Variants in IL13RA2 observed in about 807,000 individuals in gnomAD.
The protein encoded by IL13RA2 is interleukin 13 receptor subunit alpha 2, also known as interleukin-13 receptor subunit alpha-2.
IL13RA2 carries 25 observed loss-of-function variants against 34.1 expected under a neutral mutation model. The observed-to-expected ratio is 0.73, with a 90% CI of 0.53 to 1.03. The LOEUF is 1.03. Among genes scored for constraint, IL13RA2 ranks in the 50% least tolerant of loss-of-function variants. The pLI, the probability that IL13RA2 is intolerant of heterozygous loss-of-function variation, is 0.00. For missense variants in IL13RA2, 297 were observed against 280.9 expected (o/e 1.06, Z -0.41); for synonymous variants, 106 against 100.4 (o/e 1.06, Z -0.33).
intron 5 of IL13RA2, 54 bp downstream of exon 5, chrX:115,013,715 A>G: frequency 1.5e-6 from 1 of 663,560 alleles, no homozygotes; most frequent in Admixed American, 2.8e-5. Flanking sequence ...CATACTATCG[A>G]CTAACTTGAG....
intron 2 of IL13RA2, 116 bp from the exon 3 acceptor site, chrX:115,015,937 C>T: frequency 2.1e-6 from 1 of 484,758 alleles, no homozygotes; most frequent in Non-Finnish European, 3.5e-6. Context: ...AAATGTGCTA[C>T]ATGCATACAA....
intron 8 of IL13RA2, 105 bp from the exon 9 acceptor site, chrX:115,005,420 C>A (rs1282426403): frequency 1.9e-6 from 1 of 531,878 alleles, no homozygotes; most frequent in African/African-American, 2.4e-5. Context: ...AGCTTGGAAA[C>A]CCCTGTCATA....
At chrX:115,016,521 G>A (rs1242635818) in intron 2 of IL13RA2, among the ~76,000 whole-genome samples, 1 of 106,593 alleles carries the variant, frequency 9.4e-6, no homozygotes, top group Non-Finnish European at 1.9e-5. Flanking sequence ...GTCTAAGATG[G>A]GAACATTTTA....
At chrX:115,010,176 G>A in intron 6 of IL13RA2, among the ~76,000 whole-genome samples, 1 of 111,264 alleles carries the variant, frequency 9.0e-6, no homozygotes, top group South Asian at 3.8e-4. Flanking sequence ...CACACGACTA[G>A]AAAAATGGTA....
chrX:115,005,099 A>G, intron 9 of IL13RA2, 98 bp downstream of exon 9: 1 of 525,241 alleles, frequency 1.9e-6, no homozygotes, highest in Non-Finnish European at 3.4e-6. Flanking sequence ...CACAGCGAAC[A>G]AGCAAAATTA....
At chrX:115,007,798 T>C in intron 8 of IL13RA2, 134 bp downstream of exon 8, 1 of 432,153 alleles carries the variant, frequency 2.3e-6, no homozygotes, top group Middle Eastern at 6.6e-4. Flanking sequence ...ATTGAAGTGC[T>C]CCCTAACTTA....
chrX:115,009,415 C>T (rs2071697433), intron 7 of IL13RA2, 106 bp downstream of exon 7: 1 of 586,466 alleles, frequency 1.7e-6, no homozygotes, highest in Non-Finnish European at 2.8e-6. Flanking sequence ...AGATATATGT[C>T]ATGTTCTGTC....
intron 9 of IL13RA2, 64 bp from the exon 10 acceptor site, chrX:115,004,170 A>G: frequency 6.6e-6 from 4 of 606,310 alleles, no homozygotes; most frequent in Non-Finnish European, 1.1e-5. Flanking sequence ...CTGAAGATTA[A>G]CAACTCAGAG....
intron 2 of IL13RA2, among the ~76,000 whole-genome samples, chrX:115,016,157 C>CA (rs17096093): frequency 0.056 from 6,215 of 111,134 alleles, 433 homozygotes; most frequent in African/African-American, 0.19. Flanking sequence ...AGAAACAATG[C>CA]AGGGTGACTG....
Position 115,008,090 on chromosome X carries a change from A to G in IL13RA2, c.853-14T>C. On this transcript the variant is annotated splice_polypyrimidine_tract_variant and intron_variant, in intron 7 of 9. Transcript: ENST00000243213. ...AACTGTAGCAGTCTGAAAGCCAAGG[A>G]CAAAATCAGATGCCATTATTTGATC... The G allele has an allele frequency of 9.1e-7, 1 of 1,098,114 alleles. No individual in the cohort carries two copies. Among genetic ancestry groups the G allele is most frequent in the Non-Finnish European group, 1.3e-6 (1 of 795,827 alleles). The allele number at this position is 1,098,114 out of a possible 1,213,427, so 90.5% of individuals were successfully genotyped here.
intron 4 of IL13RA2, 134 bp downstream of exon 4, chrX:115,014,287 A>T (rs1032162767): frequency 2.0e-6 from 1 of 503,028 alleles, no homozygotes; most frequent in Non-Finnish European, 3.3e-6. Flanking sequence ...CACCAACTAC[A>T]AGAAAGATTC....
intron 5 of IL13RA2, among the ~76,000 whole-genome samples, chrX:115,013,432 A>G (rs2071714242): frequency 8.9e-6 from 1 of 111,808 alleles, no homozygotes; most frequent in Admixed American, 9.5e-5. Context: ...AAAAAAATTC[A>G]GTTTAATAGA....
Position 115,009,386 on chromosome X carries a change from C to T in IL13RA2, c.852+135G>A, listed in dbSNP as rs148822814. ...TACTTTTGTCCATTAGCTTATTTGG[C>T]TTTCTGGAAATTGAACTAAGATATA... On this transcript the variant is annotated intron_variant, in intron 7 of 9. Transcript: ENST00000243213. 3.4e-3 allele frequency: 1,574 copies of T among 461,150 alleles called. 24 individuals are homozygous for T. The East Asian group carries it at 0.043, about 13-fold the overall frequency. The allele number at this position is 461,150 out of a possible 1,213,427, so 38.0% of individuals were successfully genotyped here.
intron 7 of IL13RA2, among the ~76,000 whole-genome samples, chrX:115,009,285 T>C (rs949489687): frequency 9.0e-6 from 1 of 111,015 alleles, no homozygotes; most frequent in Non-Finnish European, 1.9e-5. Context: ...CTTTAATTTA[T>C]TGACACAAAA....
intron 9 of IL13RA2, among the ~76,000 whole-genome samples, chrX:115,004,879 C>T (rs2071678695): frequency 8.9e-6 from 1 of 112,350 alleles, no homozygotes; most frequent in Non-Finnish European, 1.9e-5. Context: ...CATTTTAATT[C>T]ACTCTTCTAT....
At chrX:115,004,926 G>A (rs1049421297) in intron 9 of IL13RA2, among the ~76,000 whole-genome samples, 1 of 111,844 alleles carries the variant, frequency 8.9e-6, no homozygotes, top group Admixed American at 9.5e-5. Flanking sequence ...AACTCTTTCC[G>A]TATACCATTC....
At chrX:115,013,381 G>A (rs782127316) in intron 5 of IL13RA2, among the ~76,000 whole-genome samples, 4 of 111,231 alleles carry the variant, frequency 3.6e-5, no homozygotes, top group African/African-American at 1.3e-4. Context: ...CAATGTCCAA[G>A]TTTAAAAGCT....
chrX:115,016,813 A>AAGCTAAGGATAGT (rs1228131471), intron 2 of IL13RA2, among the ~76,000 whole-genome samples: 1 of 109,275 alleles, frequency 9.2e-6, no homozygotes, highest in Non-Finnish European at 1.9e-5. Flanking sequence ...ATTGTCATAA[A>AAGCTAAGGATAGT]AGCTAAGGAT....
At chrX:115,006,771 A>G (rs1209375195) in intron 8 of IL13RA2, among the ~76,000 whole-genome samples, 6 of 112,221 alleles carry the variant, frequency 5.3e-5, no homozygotes, top group Admixed American at 1.9e-4. Context: ...AGAAAAGAAT[A>G]TATTTTTTGA....
Sources: gnomAD v4.1 joint callset for allele counts (sites outside exome capture counted in the v4.1 genomes callset) on GRCh38, gnomAD v4.1.1 for gene constraint, MANE v1.5 for transcripts, NCBI Gene and HGNC (gene_info 2026-07-23, HGNC 2026-07-21) for gene names.